CAPS2: variants seen among roughly 807,000 people sequenced by gnomAD.
CAPS2 encodes the protein calcyphosine 2, also known as calcyphosin-2.
Under a neutral mutation model 86.5 loss-of-function variants are expected in CAPS2, and 98 were observed. The observed-to-expected ratio is 1.13, with a 90% confidence interval of 0.96 to 1.34. The LOEUF is 1.34. Among genes scored for constraint, CAPS2 ranks in the 40% most tolerant of loss-of-function variants. The pLI is 0.00. For missense variants in CAPS2, 729 were observed against 686.8 expected, an observed-to-expected ratio of 1.06 and a Z score of -0.69; for synonymous variants, 210 against 225.1, an observed-to-expected ratio of 0.93 and a Z score of 0.60.
At chr12:75,358,252 C>T (rs2043284862) in intron 1 of CAPS2, among the ~76,000 whole-genome samples, 1 of 151,442 alleles carries the variant, frequency 6.6e-6, no homozygotes, top group African/African-American at 2.4e-5. Context: ...GTTCAAAAGA[C>T]AAAAATTACA....
intron 1 of CAPS2, among the ~76,000 whole-genome samples, chr12:75,336,545 A>G (rs1290915633): frequency 6.6e-6 from 1 of 151,828 alleles, no homozygotes; most frequent in African/African-American, 2.4e-5. Flanking sequence ...TAAGACAAGG[A>G]GAACTACCAG....
At chr12:75,311,682 G>A (rs553250575) in intron 7 of CAPS2, among the ~76,000 whole-genome samples, 5 of 114,368 alleles carry the variant, frequency 4.4e-5, no homozygotes, top group Admixed American at 3.9e-4. Context: ...CACGTGTCAC[G>A]TGCAGGAAGC....
chr12:75,322,953 G>T, intron 4 of CAPS2: 1 of 1,277,432 alleles, frequency 7.8e-7, no homozygotes, highest in Non-Finnish European at 1.1e-6. Flanking sequence ...TCTGAAAATT[G>T]ATAAGCAAAT....
At chr12:75,364,524 C>T (rs2043834297) in intron 1 of CAPS2, among the ~76,000 whole-genome samples, 1 of 152,190 alleles carries the variant, frequency 6.6e-6, no homozygotes, top group South Asian at 2.1e-4. Flanking sequence ...TTTAAATGTT[C>T]CAGCCCAGAT....
upstream of CAPS2, chr12:75,334,643 G>A (rs2041583055): frequency 3.9e-6 from 6 of 1,541,574 alleles, no homozygotes; most frequent in African/African-American, 2.7e-5. Flanking sequence ...GGGAGAGCGT[G>A]GTGCGGGGGC....
intron 1 of CAPS2, among the ~76,000 whole-genome samples, chr12:75,364,059 T>G (rs1342221791): frequency 6.6e-6 from 1 of 152,170 alleles, no homozygotes; most frequent in Admixed American, 6.6e-5. Flanking sequence ...AAGGGTTTAT[T>G]AAGTAGATGA....
chr12:75,384,738 G>T (rs1025697173), intron 1 of CAPS2, among the ~76,000 whole-genome samples: 1 of 152,096 alleles, frequency 6.6e-6, no homozygotes, highest in African/African-American at 2.4e-5. Context: ...CATGAACATA[G>T]ATGCAAAATT....
upstream of CAPS2, among the ~76,000 whole-genome samples, chr12:75,330,683 T>C (rs1340477987): frequency 1.3e-5 from 2 of 152,208 alleles, no homozygotes; most frequent in African/African-American, 4.8e-5. Flanking sequence ...AATAATTGCA[T>C]ATATATGTAT....
downstream of CAPS2, chr12:75,276,214 T>C (rs371460773): frequency 1.2e-4 from 184 of 1,543,650 alleles, 2 homozygotes; most frequent in African/African-American, 1.7e-3. Flanking sequence ...TTTCTTTTTT[T>C]TAAGCATTTT....
chr12:75,338,301 C>T (rs2041869665), intron 1 of CAPS2, among the ~76,000 whole-genome samples: 2 of 152,058 alleles, frequency 1.3e-5, no homozygotes, highest in East Asian at 1.9e-4. Context: ...AATTAATCAA[C>T]ATAATCAGGA....
At chr12:75,285,025 T>A in exon 15 of CAPS2, 2 of 1,611,268 alleles carry the variant, frequency 1.2e-6, no homozygotes, top group Non-Finnish European at 1.7e-6. Flanking sequence ...GAATTCTCCA[T>A]AATCAACCTT....
intron 7 of CAPS2, chr12:75,305,437 G>T: frequency 4.1e-6 from 2 of 487,596 alleles, no homozygotes; most frequent in East Asian, 8.6e-5. Context: ...CTTGTCAGAG[G>T]GCACAGACCG....
In CAPS2 at chr12:75,321,555, T is replaced by A. The variant is rs1339785292; in HGVS notation, c.313A>T (p.Asn105Tyr). 10 of 1,547,414 alleles carry A rather than the reference T, an allele frequency of 6.5e-6. No homozygotes were observed. The African/African-American group carries it at 1.4e-4, about 21-fold the overall frequency. Reference sequence around the variant, plus strand: ...CATTTGTCTGTTGGTGCTGGCAAATTTTCAGGTATTATGTTCTGATCCTAT... The same window carrying A: ...CATTTGTCTGTTGGTGCTGGCAAATATTCAGGTATTATGTTCTGATCCTAT... The change falls in exon 5 of 17, where the codon AAT (asparagine) becomes TAT (tyrosine). Residue 105 changes from asparagine (N) to tyrosine (Y), a missense_variant. Coordinates refer to ENST00000393284, the Ensembl canonical transcript of CAPS2.
intron 14 of CAPS2, among the ~76,000 whole-genome samples, chr12:75,285,686 T>C (rs1380231813): frequency 6.6e-6 from 1 of 151,940 alleles, no homozygotes; most frequent in Non-Finnish European, 1.5e-5. Flanking sequence ...TACATCTATC[T>C]ACCTATAGAT....
rs768663390 is a variant in CAPS2 at position 75,321,510 on chromosome 12, AT to A, written c.357del (p.Gln119HisfsTer35). 37 of 1,548,260 alleles carry A rather than the reference AT, an allele frequency of 2.4e-5. No individual in the cohort carries two copies. In the African/African-American group the frequency reaches 4.8e-4, roughly 20 times the overall value. ...TAGCCCTCTTTAATTTCAGTTTTAC[AT>A]TGCTGATATTTTAGTTTACATTTGT... On this transcript the variant is annotated frameshift_variant, in exon 5 of 17. Coordinates refer to ENST00000393284, the Ensembl canonical transcript of CAPS2. LOFTEE classifies it high-confidence loss of function.
At chr12:75,341,215 C>T (rs1374600124) in intron 1 of CAPS2, among the ~76,000 whole-genome samples, 1 of 152,120 alleles carries the variant, frequency 6.6e-6, no homozygotes, top group African/African-American at 2.4e-5. Flanking sequence ...TTTAGTGACT[C>T]TATACATGTT....
intron 1 of CAPS2, among the ~76,000 whole-genome samples, chr12:75,358,678 A>C (rs2139546721): frequency 6.8e-6 from 1 of 147,998 alleles, no homozygotes; most frequent in Non-Finnish European, 1.5e-5. Context: ...ATTTTGTTAC[A>C]TATTTGTGTT....
chr12:75,280,914 A>C (rs1478064891), intron 16 of CAPS2, among the ~76,000 whole-genome samples: 1 of 151,920 alleles, frequency 6.6e-6, no homozygotes, highest in Admixed American at 6.6e-5. Flanking sequence ...TTTAATAGTA[A>C]GGAATAAAAT....
At chr12:75,364,282 C>A (rs1245741218) in intron 1 of CAPS2, among the ~76,000 whole-genome samples, 1 of 152,222 alleles carries the variant, frequency 6.6e-6, no homozygotes, top group East Asian at 1.9e-4. Context: ...TTGGAATGCA[C>A]CTTGCCAAAA....
Sources: allele counts gnomAD v4.1 joint callset (sites outside exome capture counted in the v4.1 genomes callset), GRCh38; gene constraint gnomAD v4.1.1; transcripts MANE v1.5; gene names NCBI Gene and HGNC (gene_info 2026-07-23, HGNC 2026-07-21).